The following WWOX variants were observed in gnomAD, a reference collection of about 807,000 sequenced individuals.
WWOX encodes WW domain containing oxidoreductase, also known as WW domain-containing oxidoreductase.
In WWOX, 69 loss-of-function variants were observed where a neutral mutation model predicts 46.2. The ratio of observed to expected loss-of-function variants is 1.49; its 90% CI spans 1.23 to 1.82. The LOEUF (loss-of-function observed/expected upper bound fraction) is 1.82, where lower values mean the gene tolerates loss of function less well. Among genes scored for constraint, WWOX ranks in the 40% most tolerant of loss-of-function variants. WWOX has a pLI of 0.00. For synonymous variants in WWOX, 359 were observed against 202.6 expected (o/e 1.77, Z -6.56); for missense variants, 919 against 542.6 (o/e 1.69, Z -6.89).
Position 78,804,753 on chromosome 16 carries a change from A to C in WWOX, c.1056+372001A>C, listed in dbSNP as rs541354399. The stretch of plus-strand genomic sequence containing the variant: ...TAATTTTAAAATGCTGTTTGTAGCA[A>C]AAGTTACCTTGATAGTTCAGGTGTG... On this transcript the variant is annotated intron_variant, in intron 8 of 8. Coordinates refer to ENST00000566780, the MANE Select transcript of WWOX (RefSeq NM_016373.4). Among the ~76,000 whole-genome samples, 11 of 152,356 alleles carry C rather than the reference A, an allele frequency of 7.2e-5. No homozygotes were observed. In the South Asian group the frequency reaches 2.1e-3, roughly 29 times the overall value.
In WWOX at chr16:78,472,707, G is replaced by A. The variant is rs1044447818; in HGVS notation, c.1056+39955G>A. On this transcript the variant is annotated intron_variant, in intron 8 of 8. Transcript: ENST00000566780. The stretch of plus-strand genomic sequence containing the variant: ...AGCTGTAGTCCCAGCTACTTGGGAG[G>A]CTGAGGCAGGAGAATCGCTTGAACC... Among the ~76,000 whole-genome samples the A allele has an allele frequency of 1.6e-4, 24 of 151,058 alleles. 1 individual carries two copies. Among genetic ancestry groups the A allele is most frequent in the African/African-American group, 5.8e-4 (24 of 41,244 alleles).
intron 5 of WWOX, among the ~76,000 whole-genome samples, chr16:78,370,646 A>C (rs1319662049): frequency 6.6e-6 from 1 of 151,894 alleles, no homozygotes; most frequent in Non-Finnish European, 1.5e-5. Context: ...GTCTTTCTCC[A>C]TATTCTGGGA....
chr16:78,127,261 G>T (rs1196146492), intron 4 of WWOX, among the ~76,000 whole-genome samples: 1 of 152,080 alleles, frequency 6.6e-6, no homozygotes, highest in African/African-American at 2.4e-5. Context: ...ATCATTGCAG[G>T]CGTTTAATAA....
At chr16:78,110,847 A>G (rs942356463) in intron 3 of WWOX, among the ~76,000 whole-genome samples, 4 of 152,236 alleles carry the variant, frequency 2.6e-5, no homozygotes, top group Admixed American at 6.5e-5. Flanking sequence ...TAGCACAGCC[A>G]GGCTTTGAGC....
chr16:79,139,025 A>T (rs1459457841), intron 8 of WWOX, among the ~76,000 whole-genome samples: 1 of 152,168 alleles, frequency 6.6e-6, no homozygotes, highest in Non-Finnish European at 1.5e-5. Context: ...GAAATATTAC[A>T]GAAACTGCCC....
chr16:78,374,228 C>T (rs892220806), intron 5 of WWOX, among the ~76,000 whole-genome samples: 1 of 152,098 alleles, frequency 6.6e-6, no homozygotes, highest in Non-Finnish European at 1.5e-5. Context: ...TTCCTCTCTC[C>T]CTGTTAGTCT....
At chr16:78,154,420 A>T (rs975672605) in intron 4 of WWOX, among the ~76,000 whole-genome samples, 3 of 149,468 alleles carry the variant, frequency 2.0e-5, no homozygotes, top group Admixed American at 2.0e-4. Context: ...CGCTTGCTTC[A>T]TGGAGCTTCA....
chr16:79,159,359 C>T (rs112876376), intron 8 of WWOX, among the ~76,000 whole-genome samples: 3,882 of 152,222 alleles, frequency 0.026, 184 homozygotes, highest in African/African-American at 0.089. Context: ...CTAAATGTTC[C>T]TGCAAGTACT....
At chr16:78,825,698 A>T (rs2051633844) in intron 8 of WWOX, 1 of 541,564 alleles carries the variant, frequency 1.8e-6, no homozygotes, top group Non-Finnish European at 3.6e-6. Flanking sequence ...TTTCTGGGAG[A>T]CTCTGAGGAC....
rs147502458 is a variant in WWOX at position 78,373,674 on chromosome 16, A to T, written c.517-13186A>T. On this transcript the variant is annotated intron_variant, in intron 5 of 8. Coordinates refer to ENST00000566780, the MANE Select transcript of WWOX (RefSeq NM_016373.4). ...TTCTAGTCTTGGTTTCTGCCTTTCA[A>T]TGTGTGAATTTAAGTTCATGTTTCT... 4.4e-3 allele frequency among the ~76,000 whole-genome samples: 662 copies of T among 152,068 alleles called. 4 individuals carry two copies. Among genetic ancestry groups the T allele is most frequent in the African/African-American group, 0.015 (633 of 41,446 alleles).
chr16:78,383,720 C>T (rs1884174564), intron 5 of WWOX, among the ~76,000 whole-genome samples: 1 of 152,176 alleles, frequency 6.6e-6, no homozygotes, highest in Non-Finnish European at 1.5e-5. Flanking sequence ...CCTGGACTTA[C>T]TGTATTGCCT....
At chr16:78,423,390 G>A (rs138484179) in intron 6 of WWOX, among the ~76,000 whole-genome samples, 1 of 152,034 alleles carries the variant, frequency 6.6e-6, no homozygotes, top group Admixed American at 6.6e-5. Flanking sequence ...TTCCTCAATG[G>A]TATATTTAGT....
At chr16:79,106,805 C>CTTTTTTTTTT (rs75277633) in intron 8 of WWOX, 8 of 113,408 alleles carry the variant, frequency 7.1e-5, no homozygotes, top group African/African-American at 9.7e-5. Context: ...AACTTTTTTT[C>CTTTTTTTTTT]TTTTTTTTTT....
chr16:78,859,795 T>C (rs1457808950), intron 8 of WWOX, among the ~76,000 whole-genome samples: 1 of 151,870 alleles, frequency 6.6e-6, no homozygotes, highest in Admixed American at 6.6e-5. Context: ...AGTTAAGTTT[T>C]AAGGAAGAAA....
At position 78,461,840 on chromosome 16, in the gene WWOX, C is replaced by G. The variant is rs148212100; in HGVS notation, c.1056+29088C>G. ...TATTTTAGGGGAGGAAAATGTTTTTCTTTAACCACAACATTCATGCAATAC... is the reference window on the plus strand; with the variant it reads ...TATTTTAGGGGAGGAAAATGTTTTTGTTTAACCACAACATTCATGCAATAC... On this transcript the variant is annotated intron_variant, in intron 8 of 8. Coordinates refer to ENST00000566780, the MANE Select transcript of WWOX (RefSeq NM_016373.4). 6.4e-3 allele frequency among the ~76,000 whole-genome samples: 970 copies of G among 152,294 alleles called. 10 individuals carry two copies. Among genetic ancestry groups the G allele is most frequent in the African/African-American group, 0.022 (903 of 41,560 alleles).
chr16:78,985,110 C>T (rs911938657), intron 8 of WWOX, among the ~76,000 whole-genome samples: 3 of 152,204 alleles, frequency 2.0e-5, no homozygotes, highest in Admixed American at 6.5e-5. Flanking sequence ...TGTTTCCGAA[C>T]GGATCAGATT....
rs141483680 is a variant in WWOX, at chr16:79,064,631, G to A, written c.1057-146977G>A. Among the ~76,000 whole-genome samples, 113 of 152,256 alleles carry A rather than the reference G, an allele frequency of 7.4e-4. 1 individual carries two copies. The East Asian group carries it at 0.02, about 27-fold the overall frequency. ...CATGGAGCAAAGCAGTTATTTAGCC[G>A]TCCATCCGGCACTGCCAACCTCTTC... On this transcript the variant is annotated intron_variant, in intron 8 of 8. Coordinates refer to ENST00000566780, the MANE Select transcript of WWOX (RefSeq NM_016373.4).
intron 8 of WWOX, among the ~76,000 whole-genome samples, chr16:78,539,295 A>C (rs994750265): frequency 6.6e-6 from 1 of 152,232 alleles, no homozygotes; most frequent in Non-Finnish European, 1.5e-5. Context: ...TCCTACTGGT[A>C]AAGGAGTCTT....
intron 8 of WWOX, among the ~76,000 whole-genome samples, chr16:78,718,334 G>T (rs1321683387): frequency 6.6e-6 from 1 of 151,786 alleles, no homozygotes; most frequent in Non-Finnish European, 1.5e-5. Flanking sequence ...AATTATTGTG[G>T]TGCCAAAAAA....
Sources: allele counts gnomAD v4.1 joint callset (sites outside exome capture counted in the v4.1 genomes callset), GRCh38; gene constraint gnomAD v4.1.1; transcripts MANE v1.5; gene names NCBI Gene and HGNC (gene_info 2026-07-23, HGNC 2026-07-21).